TRAF3IP1: variants seen among roughly 807,000 people sequenced by gnomAD.
TRAF3IP1 encodes TRAF3-interacting protein 1.
Under a neutral mutation model 89.9 loss-of-function variants are expected in TRAF3IP1, and 53 were observed. That is an observed-to-expected ratio of 0.59 (90% CI 0.47 to 0.74). TRAF3IP1 has a LOEUF of 0.74. Ranked by LOEUF, TRAF3IP1 falls within the 30% of genes least tolerant of loss-of-function variation. The pLI is 0.00. For missense variants in TRAF3IP1, 806 were observed against 866.1 expected (o/e 0.93, Z 0.87); for synonymous variants, 311 against 322.1 (o/e 0.97, Z 0.37).
intron 3 of TRAF3IP1, 73 bp downstream of exon 3, chr2:238,326,043 C>A: frequency 6.7e-7 from 1 of 1,495,086 alleles, no homozygotes; most frequent in Non-Finnish European, 9.0e-7. Context: ...GAGGGACTCA[C>A]ATGTGCGGGC....
intron 15 of TRAF3IP1, among the ~76,000 whole-genome samples, chr2:238,381,142 T>A (rs1312818610): frequency 1.2e-5 from 1 of 85,532 alleles, no homozygotes. Context: ...TATTTATTTA[T>A]TTTTTTTTTT....
At chr2:238,370,000 C>G (rs933183931) in intron 15 of TRAF3IP1, among the ~76,000 whole-genome samples, 2 of 152,128 alleles carry the variant, frequency 1.3e-5, no homozygotes, top group African/African-American at 4.8e-5. Flanking sequence ...TCCTTGCTTT[C>G]TGGCTCATCC....
chr2:238,397,330 C>A, intron 15 of TRAF3IP1, 129 bp from the exon 16 acceptor site: 3 of 744,170 alleles, frequency 4.0e-6, no homozygotes, highest in Non-Finnish European at 6.8e-6. Context: ...GAGTGAGTGT[C>A]CCACAACCAG....
chr2:238,368,158 T>C (rs1289279837), intron 15 of TRAF3IP1, among the ~76,000 whole-genome samples: 1 of 152,214 alleles, frequency 6.6e-6, no homozygotes. Flanking sequence ...GAGCTATCAC[T>C]AGAGGAACAG....
intron 7 of TRAF3IP1, among the ~76,000 whole-genome samples, 191 bp from the exon 8 acceptor site, chr2:238,338,171 G>A (rs576325636): frequency 1.4e-4 from 21 of 152,208 alleles, no homozygotes; most frequent in African/African-American, 5.1e-4. Flanking sequence ...GAAAGTGTTA[G>A]GGAAGGAGAG....
At chr2:238,357,867 C>T (rs999571265) in intron 15 of TRAF3IP1, among the ~76,000 whole-genome samples, 2 of 152,090 alleles carry the variant, frequency 1.3e-5, no homozygotes, top group African/African-American at 4.8e-5. Context: ...TTCAAAGTCT[C>T]CTTGGAAGAG....
intron 10 of TRAF3IP1, among the ~76,000 whole-genome samples, chr2:238,347,919 G>T (rs909422464): frequency 6.6e-6 from 1 of 152,064 alleles, no homozygotes; most frequent in African/African-American, 2.4e-5. Context: ...GAGTTACTGC[G>T]CCTGGCCAAC....
Position 238,397,470 on chromosome 2 carries a change from CTT to C in TRAF3IP1, c.1703_1704del (p.Phe568Ter). Reference protein sequence around the residue: ...PKPGEKERSLFESAWKKEKDI... With the variant: ...PKPGEKERSLXESAWKKEKDI... ...CTCCCTGACTGTAGGAGCGATCTCT[CTT>C]TGAGTCGGCATGGAAGAAGGAGAAG... On this transcript the variant is annotated frameshift_variant, in exon 16 of 17. Transcript: ENST00000373327. LOFTEE classifies it high-confidence loss of function. 1 of 1,612,850 alleles carries C rather than the reference CTT, an allele frequency of 6.2e-7. No homozygotes were observed. The highest frequency in any genetic ancestry group is 1.1e-5 in the South Asian group (1 of 91,036).
At chr2:238,342,341 C>A (rs1698700562) in intron 8 of TRAF3IP1, among the ~76,000 whole-genome samples, 1 of 151,904 alleles carries the variant, frequency 6.6e-6, no homozygotes, top group Non-Finnish European at 1.5e-5. Context: ...TATTATTTGA[C>A]AAATTGGTTA....
At chr2:238,356,850 C>T (rs1699434961) in intron 15 of TRAF3IP1, among the ~76,000 whole-genome samples, 1 of 150,938 alleles carries the variant, frequency 6.6e-6, no homozygotes, top group African/African-American at 2.4e-5. Flanking sequence ...ATGATCTCGG[C>T]TCACTGCAAG....
rs1276528637 is a variant in TRAF3IP1, at chr2:238,379,652, G to T, written c.1690-17807G>T. 6.6e-6 allele frequency among the ~76,000 whole-genome samples: 1 copy of T among 152,194 alleles called. No individual in the cohort carries two copies. Among genetic ancestry groups the T allele is most frequent in the Non-Finnish European group, 1.5e-5 (1 of 68,044 alleles). On this transcript the variant is annotated intron_variant, in intron 15 of 16. Transcript: ENST00000373327. This position sits in a 1 kb window ranked among gnomAD's most constrained non-coding sequence, Gnocchi z 4.0. ...CTTCCTGCTGCAGGTTTAGACGGTG[G>T]TTTCCTCCCCCGCTCACATGCCAGC...
At chr2:238,329,788 T>TG (rs1698030595) in intron 5 of TRAF3IP1, among the ~76,000 whole-genome samples, 1 of 152,226 alleles carries the variant, frequency 6.6e-6, no homozygotes, top group Non-Finnish European at 1.5e-5. Flanking sequence ...CAAGGGGTGA[T>TG]GGGCTTTTCA....
rs933097170 is a variant in TRAF3IP1 at position 238,345,892 on chromosome 2, C to T, written c.1261+1294C>T. On this transcript the variant is annotated intron_variant, in intron 9 of 16. Coordinates refer to ENST00000373327, the MANE Select transcript of TRAF3IP1 (RefSeq NM_015650.4). This position sits in a 1 kb window ranked among gnomAD's most constrained non-coding sequence, Gnocchi z 4.7. ...CAGGCGTCGGGGAGGATGGTGTGGG[C>T]CATGTGGCAGGTGCCTTGGGTTCTG... 4.6e-5 allele frequency among the ~76,000 whole-genome samples: 7 copies of T among 152,014 alleles called. No individual in the cohort carries two copies. The highest frequency in any genetic ancestry group is 1.0e-4 in the Non-Finnish European group (7 of 67,998).
At chr2:238,321,281 A>G (rs1231991120) in intron 1 of TRAF3IP1, among the ~76,000 whole-genome samples, 2 of 152,210 alleles carry the variant, frequency 1.3e-5, no homozygotes, top group Non-Finnish European at 2.9e-5. Context: ...TGCCTCGTCT[A>G]ACCTTGCAGA....
At chr2:238,375,654 C>T (rs562287260) in intron 15 of TRAF3IP1, among the ~76,000 whole-genome samples, 81 of 152,190 alleles carry the variant, frequency 5.3e-4, no homozygotes, top group African/African-American at 2.0e-3. Flanking sequence ...TCTGCTTGGT[C>T]CAGAGCTGAG....
At chr2:238,367,163 CAAAAAA>C (rs33964253) in intron 15 of TRAF3IP1, among the ~76,000 whole-genome samples, 61 of 36,160 alleles carry the variant, frequency 1.7e-3, no homozygotes, top group African/African-American at 7.0e-3. Flanking sequence ...GACTCTGTCT[CAAAAAA>C]AAAAAAAAAA....
intron 15 of TRAF3IP1, among the ~76,000 whole-genome samples, chr2:238,357,753 C>G (rs773636959): frequency 1.2e-4 from 18 of 152,170 alleles, no homozygotes; most frequent in Non-Finnish European, 2.2e-4. Flanking sequence ...AGTCGAAAAC[C>G]CTGAATGTGT....
In TRAF3IP1 at chr2:238,352,961, C is replaced by T. The variant is rs187985420; in HGVS notation, c.1575+11C>T. ...TCAGAAATTGAAATGGTTAGTTAAC[C>T]GAAATATGATGTTTTTTAATAATAA... On this transcript the variant is annotated intron_variant, in intron 13 of 16. Coordinates refer to ENST00000373327, the MANE Select transcript of TRAF3IP1 (RefSeq NM_015650.4). 244 of 1,602,216 alleles carry T rather than the reference C, an allele frequency of 1.5e-4. 1 individual carries two copies. Among genetic ancestry groups the T allele is most frequent in the Admixed American group, 5.6e-4 (32 of 57,106 alleles).
At chr2:238,325,589 T>C (rs1697785874) in intron 2 of TRAF3IP1, among the ~76,000 whole-genome samples, 1 of 152,228 alleles carries the variant, frequency 6.6e-6, no homozygotes. Flanking sequence ...AAAATGGGAT[T>C]AGTATTTCAA....
Sources: gnomAD v4.1 joint callset for allele counts (sites outside exome capture counted in the v4.1 genomes callset) on GRCh38, gnomAD v4.1.1 for gene constraint, Gnocchi (gnomAD v3.1) non-coding constraint, MANE v1.5 for transcripts, NCBI Gene and HGNC (gene_info 2026-07-23, HGNC 2026-07-21) for gene names.